The following FAM162A variants were observed in gnomAD, a reference collection of about 807,000 sequenced individuals.
The protein encoded by FAM162A is protein FAM162A.
A neutral mutation model predicts 21.8 loss-of-function variants in FAM162A; 23 were observed. The ratio of observed to expected loss-of-function variants is 1.05; its 90% confidence interval spans 0.76 to 1.49. FAM162A has a LOEUF of 1.49. Among genes scored for constraint, FAM162A ranks in the 40% most tolerant of loss-of-function variants. The pLI, the probability that FAM162A is intolerant of heterozygous loss-of-function variation, is 0.00. For synonymous variants in FAM162A, 53 were observed against 61.3 expected, an observed-to-expected ratio of 0.86 and a Z score of 0.64; for missense variants, 165 against 186.4, an observed-to-expected ratio of 0.89 and a Z score of 0.67.
rs2075695845 is a variant in FAM162A, at chr3:122,409,832, C to T, written c.*1C>T. 4 of 1,612,896 alleles carry T rather than the reference C, an allele frequency of 2.5e-6. No homozygotes were observed. The highest frequency in any genetic ancestry group is 1.7e-5 in the Admixed American group (1 of 59,992). ...AGCTATGAAGGCCAAAACAGAGTAGCAGAGGTATCCGTGTTGGCTGGATTT... is the reference window on the plus strand; with the variant it reads ...AGCTATGAAGGCCAAAACAGAGTAGTAGAGGTATCCGTGTTGGCTGGATTT... On this transcript the variant is annotated 3_prime_UTR_variant, in exon 5 of 5. Coordinates refer to ENST00000477892, the MANE Select transcript of FAM162A (RefSeq NM_014367.4).
chr3:122,409,415 G>C (rs773798740), intron 4 of FAM162A, among the ~76,000 whole-genome samples: 1 of 151,902 alleles, frequency 6.6e-6, no homozygotes, highest in Admixed American at 6.6e-5. Flanking sequence ...GCAATGAGAA[G>C]GTATTTAGTA....
chr3:122,402,944 A>G, intron 2 of FAM162A, 62 bp downstream of exon 2: 1 of 1,527,426 alleles, frequency 6.5e-7, no homozygotes, highest in Non-Finnish European at 8.8e-7. Context: ...AAAACTTGGA[A>G]TCAAAAGAAC....
chr3:122,391,855 C>T (rs542252045), intron 1 of FAM162A, among the ~76,000 whole-genome samples: 7 of 152,358 alleles, frequency 4.6e-5, no homozygotes, highest in African/African-American at 1.4e-4. Flanking sequence ...CCTAACTACT[C>T]TATGTAAAAT....
intron 1 of FAM162A, among the ~76,000 whole-genome samples, chr3:122,392,116 T>C (rs2075606727): frequency 6.6e-6 from 1 of 152,230 alleles, no homozygotes; most frequent in Non-Finnish European, 1.5e-5. Flanking sequence ...ATTTTTTGCT[T>C]TATTATTTCT....
intron 3 of FAM162A, among the ~76,000 whole-genome samples, chr3:122,405,895 T>C (rs936871621): frequency 2.6e-5 from 4 of 152,132 alleles, no homozygotes; most frequent in Non-Finnish European, 5.9e-5. Context: ...ACTGACCAAT[T>C]TGACAGTCCT....
Position 122,404,251 on chromosome 3 carries a change from C to T in FAM162A, c.158-7C>T. On this transcript the variant is annotated splice_region_variant and splice_polypyrimidine_tract_variant and intron_variant, in intron 2 of 4. Coordinates refer to ENST00000477892, the MANE Select transcript of FAM162A (RefSeq NM_014367.4). ...ACATAAAATTTCTTGTCTGGTTTTT[C>T]TCATAGGCACTTACAACAGAGTGCC... The T allele has an allele frequency of 1.4e-6, 2 of 1,465,260 alleles. No homozygotes were observed. The highest frequency in any genetic ancestry group is 1.9e-6 in the Non-Finnish European group (2 of 1,076,716). The allele number at this position is 1,465,260 out of a possible 1,614,324, so 90.8% of individuals were successfully genotyped here. A position where few individuals can be genotyped will look rare whatever the true frequency, so the allele number is the denominator to read the frequency against.
chr3:122,402,916 T>C (rs939737241), intron 2 of FAM162A, 34 bp downstream of exon 2: 3 of 1,572,444 alleles, frequency 1.9e-6, no homozygotes, highest in Non-Finnish European at 2.6e-6. Flanking sequence ...ATGGAGTTGG[T>C]AGCTCCCAAA....
intron 2 of FAM162A, 83 bp from the exon 3 acceptor site, chr3:122,404,175 A>C: frequency 2.0e-6 from 1 of 509,614 alleles, no homozygotes; most frequent in Non-Finnish European, 3.4e-6. Flanking sequence ...CTAGTTAAAA[A>C]GCACTAATAC....
intron 1 of FAM162A, among the ~76,000 whole-genome samples, chr3:122,398,050 T>C (rs1180229282): frequency 6.6e-6 from 1 of 152,042 alleles, no homozygotes; most frequent in Non-Finnish European, 1.5e-5. Context: ...CCCAATGGGA[T>C]TAAAAGGAAC....
At chr3:122,396,178 C>T (rs2075626396) in intron 1 of FAM162A, among the ~76,000 whole-genome samples, 1 of 151,988 alleles carries the variant, frequency 6.6e-6, no homozygotes, top group Non-Finnish European at 1.5e-5. Context: ...CTGGACCTCA[C>T]CCAAATTAAA....
intron 1 of FAM162A, among the ~76,000 whole-genome samples, chr3:122,391,027 G>T (rs560696362): frequency 1.3e-5 from 2 of 152,218 alleles, no homozygotes; most frequent in African/African-American, 4.8e-5. Flanking sequence ...TTTCTGGCTT[G>T]GACGTCTGGT....
chr3:122,408,813 A>G (rs1361610499), intron 4 of FAM162A, among the ~76,000 whole-genome samples: 1 of 152,206 alleles, frequency 6.6e-6, no homozygotes, highest in Non-Finnish European at 1.5e-5. Flanking sequence ...CTCTTCTAGC[A>G]TCATCCAGGG....
intron 1 of FAM162A, among the ~76,000 whole-genome samples, chr3:122,397,312 C>G (rs1429366586): frequency 6.6e-6 from 1 of 152,134 alleles, no homozygotes; most frequent in Non-Finnish European, 1.5e-5. Context: ...TCTCTCACCT[C>G]CCCTTACTGC....
Position 122,393,529 on chromosome 3 carries a change from G to A in FAM162A, c.34+9230G>A, listed in dbSNP as rs979816121. Reference sequence around the variant, plus strand: ...ACTGAAGAAGGCAGAATGGGTTTAAGAGTTTTCCAAAACTTCCAGCTGCAG... The same window carrying A: ...ACTGAAGAAGGCAGAATGGGTTTAAAAGTTTTCCAAAACTTCCAGCTGCAG... On this transcript the variant is annotated intron_variant, in intron 1 of 4. Coordinates refer to ENST00000477892, the MANE Select transcript of FAM162A (RefSeq NM_014367.4). Among the ~76,000 whole-genome samples the A allele has an allele frequency of 3.3e-5, 5 of 152,192 alleles. No individual in the cohort carries two copies. The South Asian group carries it at 1.0e-3, about 31-fold the overall frequency.
At chr3:122,396,377 A>G (rs2075627627) in intron 1 of FAM162A, among the ~76,000 whole-genome samples, 1 of 152,184 alleles carries the variant, frequency 6.6e-6, no homozygotes, top group Non-Finnish European at 1.5e-5. Flanking sequence ...AGATATGCAA[A>G]TGGCCAATTA....
At position 122,402,887 on chromosome 3, in the gene FAM162A, G is replaced by C. The variant is rs754381682; in HGVS notation, c.157+5G>C. ...AAAGTCCCGGAGCTCCATCCCGTAA[G>C]TTTTTATTTTTTCTATTTATGGAGT... is the stretch of plus-strand genomic sequence containing the variant. On this transcript the variant is annotated splice_donor_5th_base_variant and intron_variant, in intron 2 of 4. Transcript: ENST00000477892. The C allele has an allele frequency of 1.9e-6, 3 of 1,583,294 alleles. No homozygotes were observed. The highest frequency in any genetic ancestry group is 2.6e-6 in the Non-Finnish European group (3 of 1,171,520).
At chr3:122,387,516 G>A (rs56139151) in intron 1 of FAM162A, among the ~76,000 whole-genome samples, 2,860 of 152,286 alleles carry the variant, frequency 0.019, 58 homozygotes, top group South Asian at 0.089. Context: ...GACCACACAG[G>A]TACAGACCTG....
At chr3:122,397,952 A>G (rs1560000620) in intron 1 of FAM162A, among the ~76,000 whole-genome samples, 1 of 152,194 alleles carries the variant, frequency 6.6e-6, no homozygotes, top group Non-Finnish European at 1.5e-5. Flanking sequence ...AACATTTAAA[A>G]TCAGTCTGGA....
chr3:122,388,693 G>T (rs887192740), intron 1 of FAM162A, among the ~76,000 whole-genome samples: 1 of 152,096 alleles, frequency 6.6e-6, no homozygotes, highest in Non-Finnish European at 1.5e-5. Context: ...GAGATCAGTC[G>T]AATCAAATGG....
Sources: allele counts gnomAD v4.1 joint callset (sites outside exome capture counted in the v4.1 genomes callset), GRCh38; gene constraint gnomAD v4.1.1; transcripts MANE v1.5; gene names NCBI Gene and HGNC (gene_info 2026-07-23, HGNC 2026-07-21).